Variants in NDE1 observed in about 807,000 individuals in gnomAD.
NDE1 encodes the protein nudE neurodevelopment protein 1, also known as nuclear distribution protein nudE homolog 1.
NDE1 carries 28 observed loss-of-function variants against 43.4 expected under a neutral mutation model. The observed-to-expected ratio is 0.65, with a 90% CI of 0.48 to 0.89. The LOEUF is 0.89. NDE1 is among the 40% of genes least tolerant of loss of function. NDE1 has a pLI of 0.00. For missense variants in NDE1, 441 were observed against 434.1 expected, an observed-to-expected ratio of 1.02 and a Z score of -0.14; for synonymous variants, 184 against 172.0, an observed-to-expected ratio of 1.07 and a Z score of -0.55.
intron 4 of NDE1, among the ~76,000 whole-genome samples, chr16:15,679,886 C>G (rs1025515420): frequency 3.3e-5 from 5 of 152,174 alleles, no homozygotes; most frequent in Non-Finnish European, 5.9e-5. Flanking sequence ...TCAAGTGATT[C>G]TCCTGCCTCA....
At chr16:15,716,550 C>T (rs2040158043) in intron 8 of NDE1, among the ~76,000 whole-genome samples, 1 of 151,906 alleles carries the variant, frequency 6.6e-6, no homozygotes, top group African/African-American at 2.4e-5. Context: ...GTGGAAGGGT[C>T]CCACTGTGTC....
chr16:15,654,057 G>C (rs2036632642), intron 1 of NDE1, among the ~76,000 whole-genome samples: 1 of 152,074 alleles, frequency 6.6e-6, no homozygotes, highest in African/African-American at 2.4e-5. Context: ...AGGAGGCATA[G>C]ATCTCTGTTG....
chr16:15,718,401 G>T, intron 8 of NDE1: 1 of 1,594,868 alleles, frequency 6.3e-7, no homozygotes. Flanking sequence ...TGGGCGATCC[G>T]GGCCTCCAGG....
At chr16:15,710,893 G>C (rs2039751237) in intron 8 of NDE1, among the ~76,000 whole-genome samples, 1 of 152,140 alleles carries the variant, frequency 6.6e-6, no homozygotes, top group Admixed American at 6.5e-5. Context: ...GGCCAGGCTG[G>C]TCTCGAACTC....
At chr16:15,703,895 G>T in intron 8 of NDE1, 1 of 1,506,790 alleles carries the variant, frequency 6.6e-7, no homozygotes, top group Non-Finnish European at 9.2e-7. Context: ...ACAGTCTGCT[G>T]GGTTTTGCTT....
chr16:15,714,542 T>G, intron 8 of NDE1: 1 of 380,762 alleles, frequency 2.6e-6, no homozygotes, highest in African/African-American at 2.1e-5. Context: ...AGGAAGGAGG[T>G]GAAGTGGCGG....
intron 7 of NDE1, 114 bp from the exon 8 acceptor site, chr16:15,696,595 C>T (rs1422000024): frequency 1.9e-6 from 3 of 1,580,650 alleles, no homozygotes; most frequent in South Asian, 2.3e-5. Context: ...CTTGGAATTC[C>T]AGTGCACAAC....
In NDE1 at chr16:15,696,859, G is replaced by T. The variant is rs200214515; in HGVS notation, c.946G>T (p.Gly316Trp). Residue 316 changes from glycine to tryptophan, a missense_variant and splice_region_variant, in exon 8 of 9, where the codon GGG becomes TGG. By Grantham distance (184) the Gly-to-Trp change is radical. Transcript: ENST00000396354. The stretch of plus-strand genomic sequence containing the variant: ...CACCAGCGTGCCTTTGGGTGATAAG[G>T]GGTCAGTACCTTCTAATAAACCTCT... ...SSTSVPLGDKGLDTSCRWLSK... is the reference protein window; with the variant it reads ...SSTSVPLGDKWLDTSCRWLSK... 6.2e-7 allele frequency: 1 copy of T among 1,614,112 alleles called. No homozygotes were observed. Among genetic ancestry groups the T allele is most frequent in the African/African-American group, 1.3e-5 (1 of 75,058 alleles).
At chr16:15,694,707 C>T (rs2038927111) in intron 7 of NDE1, 1 of 985,220 alleles carries the variant, frequency 1.0e-6, no homozygotes, top group Non-Finnish European at 1.2e-6. Context: ...CCCTGGGAAT[C>T]ATTAGAGCTT....
chr16:15,648,604 C>T (rs554272683), upstream of NDE1, among the ~76,000 whole-genome samples: 265 of 151,560 alleles, frequency 1.7e-3, no homozygotes, highest in Non-Finnish European at 3.3e-3. Flanking sequence ...GTCAGGAGTT[C>T]GAGACCAGCC....
At chr16:15,677,613 TTGC>T (rs1322467453) in intron 3 of NDE1, among the ~76,000 whole-genome samples, 185 bp from the exon 4 acceptor site, 3 of 150,694 alleles carry the variant, frequency 2.0e-5, no homozygotes, top group Admixed American at 2.0e-4. Context: ...ACACGGAGTC[TTGC>T]TGTGTTGCCC....
At chr16:15,722,264 T>C (rs1463270966) in intron 8 of NDE1, among the ~76,000 whole-genome samples, 1 of 152,210 alleles carries the variant, frequency 6.6e-6, no homozygotes, top group Non-Finnish European at 1.5e-5. Flanking sequence ...GTTTGTTTCA[T>C]GGCCACAAGT....
At chr16:15,665,053 G>A (rs1393705331) in intron 2 of NDE1, among the ~76,000 whole-genome samples, 192 bp downstream of exon 2, 1 of 151,500 alleles carries the variant, frequency 6.6e-6, no homozygotes, top group Non-Finnish European at 1.5e-5. Context: ...GCTTCATCAG[G>A]CCAGGCTTTT....
Position 15,691,335 on chromosome 16 carries a change from G to A in NDE1, c.703+12G>A. ...GAGCTTCAGACGTGGTAAGGGGAGTGGGAATTGCAGGATTTTCTCGGTTCA... is the reference window on the plus strand; with the variant it reads ...GAGCTTCAGACGTGGTAAGGGGAGTAGGAATTGCAGGATTTTCTCGGTTCA... On this transcript the variant is annotated intron_variant, in intron 6 of 8. Transcript: ENST00000396354. 1.2e-6 allele frequency: 2 copies of A among 1,613,520 alleles called. No individual in the cohort carries two copies. Among genetic ancestry groups the A allele is most frequent in the Non-Finnish European group, 1.7e-6 (2 of 1,179,728 alleles).
chr16:15,661,697 GC>G (rs1037770872), intron 1 of NDE1, among the ~76,000 whole-genome samples: 2 of 151,934 alleles, frequency 1.3e-5, no homozygotes, highest in African/African-American at 4.8e-5. Context: ...ACCTGCTTTG[GC>G]CTACCAATGT....
At chr16:15,715,765 G>C (rs531459582) in intron 8 of NDE1, among the ~76,000 whole-genome samples, 2 of 152,208 alleles carry the variant, frequency 1.3e-5, no homozygotes, top group Admixed American at 6.5e-5. Flanking sequence ...TCCCACCTCA[G>C]CCTCCCAAGT....
In NDE1 at chr16:15,664,726, T is replaced by C. The variant is rs370914368; in HGVS notation, c.-43-10T>C. ...GATGTGGGTAATCATTTTGAAACCTTCTCTCCTAGACACCATGCCACAAGG... is the reference window on the plus strand; with the variant it reads ...GATGTGGGTAATCATTTTGAAACCTCCTCTCCTAGACACCATGCCACAAGG... On this transcript the variant is annotated splice_polypyrimidine_tract_variant and intron_variant, in intron 1 of 8. Coordinates refer to ENST00000396354, the MANE Select transcript of NDE1 (RefSeq NM_017668.3). The C allele has an allele frequency of 1.0e-5, 14 of 1,348,280 alleles. No homozygotes were observed. The African/African-American group carries it at 1.9e-4, about 18-fold the overall frequency. The allele number at this position is 1,348,280 out of a possible 1,614,324, so 83.5% of individuals were successfully genotyped here.
intron 8 of NDE1, chr16:15,699,953 G>A (rs1393685204): frequency 5.0e-6 from 6 of 1,211,926 alleles, no homozygotes; most frequent in Non-Finnish European, 6.3e-6. Context: ...TTAGCTTTGC[G>A]GCCCAAGCCA....
chr16:15,687,527 T>G lies in NDE1; in HGVS notation c.523+16T>G, dbSNP rs912230207. 16 of 1,606,932 alleles carry G rather than the reference T, an allele frequency of 1.0e-5. No homozygotes were observed. The highest frequency in any genetic ancestry group is 1.3e-5 in the Non-Finnish European group (15 of 1,173,768). ...GAAGCCAGAGGTCAGGAGGCCTTGG[T>G]GTCTTCACCAGCATGGTCCCCTCTC... On this transcript the variant is annotated intron_variant, in intron 5 of 8. Transcript: ENST00000396354.
Sources: gnomAD v4.1 joint callset for allele counts (sites outside exome capture counted in the v4.1 genomes callset) on GRCh38, gnomAD v4.1.1 for gene constraint, MANE v1.5 for transcripts, NCBI Gene and HGNC (gene_info 2026-07-23, HGNC 2026-07-21) for gene names.